RRM1: variants seen among roughly 807,000 people sequenced by gnomAD.
The protein encoded by RRM1 is ribonucleoside-diphosphate reductase large subunit.
RRM1 carries 19 observed loss-of-function variants against 101.5 expected under a neutral mutation model. The ratio of observed to expected loss-of-function variants is 0.19; its 90% CI spans 0.13 to 0.27. The LOEUF is 0.27. RRM1 is among the 10% of genes least tolerant of loss of function. The pLI is 1.00. For synonymous variants in RRM1, 298 were observed against 323.4 expected, an observed-to-expected ratio of 0.92 and a Z score of 0.84; for missense variants, 500 against 962.9, an observed-to-expected ratio of 0.52 and a Z score of 6.36.
intron 7 of RRM1, among the ~76,000 whole-genome samples, chr11:4,113,647 A>G (rs912991007): frequency 3.2e-4 from 48 of 152,360 alleles, no homozygotes; most frequent in African/African-American, 1.1e-3. Context: ...CAAACATTAT[A>G]CAGTATACTT....
intron 17 of RRM1, 63 bp downstream of exon 17, chr11:4,133,721 C>T (rs1349951178): frequency 1.1e-6 from 1 of 915,204 alleles, no homozygotes; most frequent in Non-Finnish European, 1.8e-6. Flanking sequence ...TACCTCCTCA[C>T]TCATGCTAGA....
chr11:4,111,864 C>T (rs562668206), intron 6 of RRM1, 36 bp from the exon 7 acceptor site: 18 of 1,574,928 alleles, frequency 1.1e-5, no homozygotes, highest in African/African-American at 2.7e-5. Flanking sequence ...CTTTTTCTGA[C>T]GTCTCATCAT....
At chr11:4,131,196 G>A (rs1188559531) in intron 15 of RRM1, among the ~76,000 whole-genome samples, 3 of 152,180 alleles carry the variant, frequency 2.0e-5, no homozygotes, top group African/African-American at 7.2e-5. Context: ...CAAGCAAAGT[G>A]CTGAGTAAAG....
At chr11:4,111,777 T>C in intron 6 of RRM1, 123 bp from the exon 7 acceptor site, 1 of 1,192,054 alleles carries the variant, frequency 8.4e-7, no homozygotes, top group Non-Finnish European at 1.2e-6. Context: ...TGGATAATTG[T>C]CCTGTTTATT....
chr11:4,117,386 T>A (rs1052790681), intron 7 of RRM1, among the ~76,000 whole-genome samples: 2 of 152,218 alleles, frequency 1.3e-5, no homozygotes, highest in African/African-American at 4.8e-5. Context: ...TTGGAAATAA[T>A]CCAGATGTTC....
At chr11:4,104,647 T>C (rs1371198617) in intron 2 of RRM1, among the ~76,000 whole-genome samples, 1 of 152,164 alleles carries the variant, frequency 6.6e-6, no homozygotes. Flanking sequence ...GTTCTTCATG[T>C]AAAATAGGTA....
chr11:4,114,677 T>C (rs1041883158), intron 7 of RRM1, among the ~76,000 whole-genome samples: 3 of 152,256 alleles, frequency 2.0e-5, no homozygotes, highest in Admixed American at 6.5e-5. Flanking sequence ...CTTCGATTAC[T>C]GGATGACCAC....
chr11:4,094,933 C>G lies in RRM1; in HGVS notation c.-80C>G. The G allele has an allele frequency of 6.8e-7, 1 of 1,473,774 alleles. No individual in the cohort carries two copies. Among genetic ancestry groups the G allele is most frequent in the Non-Finnish European group, 9.3e-7 (1 of 1,076,254 alleles). The allele number at this position is 1,473,774 out of a possible 1,614,324, so 91.3% of individuals were successfully genotyped here. A position where few individuals can be genotyped will look rare whatever the true frequency, so the allele number is the denominator to read the frequency against. On this transcript the variant is annotated 5_prime_UTR_variant, in exon 1 of 19. Coordinates refer to ENST00000300738, the MANE Select transcript of RRM1 (RefSeq NM_001033.5). ...CGCCTGGAACCTAACCCTTCCCACT[C>G]TGTCACCTTCTCGATCCCGCCGGCG...
At position 4,118,473 on chromosome 11, in the gene RRM1, C is replaced by T; in HGVS notation, c.792+12C>T. 1 of 1,613,352 alleles carries T rather than the reference C, an allele frequency of 6.2e-7. No homozygotes were observed. The highest frequency in any genetic ancestry group is 8.5e-7 in the Non-Finnish European group (1 of 1,179,606). ...GCTACATTGCTGGGGTAGGTTTCTG[C>T]CATTTGACTTTTAAAGGGGGATTCA... On this transcript the variant is annotated intron_variant, in intron 8 of 18. Transcript: ENST00000300738.
At chr11:4,103,462 G>C (rs888625564) in intron 2 of RRM1, among the ~76,000 whole-genome samples, 2 of 151,968 alleles carry the variant, frequency 1.3e-5, no homozygotes, top group Non-Finnish European at 2.9e-5. Context: ...AAGCACCTAG[G>C]TCTCTTGACT....
chr11:4,127,030 C>T lies in RRM1; in HGVS notation c.1471-5C>T. The T allele has an allele frequency of 1.2e-6, 2 of 1,600,300 alleles. No individual in the cohort carries two copies. Among genetic ancestry groups the T allele is most frequent in the Non-Finnish European group, 1.7e-6 (2 of 1,175,446 alleles). ...TCCTTTTCTTTAAAATCTGTTGACA[C>T]AAAGGCATGCCTATCAAATAAACGC... On this transcript the variant is annotated splice_polypyrimidine_tract_variant and splice_region_variant and intron_variant, in intron 13 of 18. Transcript: ENST00000300738.
In RRM1 at chr11:4,106,172, G is replaced by T. The variant is rs758946030; in HGVS notation, c.235G>T (p.Ala79Ser). ...GCACCCTGACTATGCTATCCTGGCA[G>T]CCAGGATCGCTGTCTCTAACTTGCA... is the stretch of plus-strand genomic sequence containing the variant. ...TKHPDYAILAARIAVSNLHKE... is the reference protein window; with the variant it reads ...TKHPDYAILASRIAVSNLHKE... Residue 79 changes from alanine to serine, a missense_variant, in exon 3 of 19, where the codon GCC becomes TCC. Ala to Ser is a moderately conservative substitution (Grantham distance 99). This residue lies in a region of RRM1 where 44 missense variants were observed against 119.4 expected (regional missense o/e 0.37). Coordinates refer to ENST00000300738, the MANE Select transcript of RRM1 (RefSeq NM_001033.5). 6.2e-7 allele frequency: 1 copy of T among 1,614,080 alleles called. No individual in the cohort carries two copies. The highest frequency in any genetic ancestry group is 1.3e-5 in the African/African-American group (1 of 75,048).
intron 13 of RRM1, 53 bp downstream of exon 13, chr11:4,126,886 G>T: frequency 6.6e-7 from 1 of 1,505,708 alleles, no homozygotes; most frequent in Non-Finnish European, 9.1e-7. Context: ...AAATTGAAAG[G>T]AATCAATCAT....
At chr11:4,127,354 C>T in intron 14 of RRM1, 98 bp downstream of exon 14, 2 of 657,072 alleles carry the variant, frequency 3.0e-6, no homozygotes, top group Non-Finnish European at 4.7e-6. Context: ...ATTCCTGGAA[C>T]CTGTGAATTT....
chr11:4,136,688 G>A (rs2094610553), intron 18 of RRM1, among the ~76,000 whole-genome samples: 1 of 151,972 alleles, frequency 6.6e-6, no homozygotes, highest in Admixed American at 6.6e-5. Flanking sequence ...TACCCCTCTT[G>A]GGGGATTACA....
intron 17 of RRM1, among the ~76,000 whole-genome samples, chr11:4,134,849 G>A (rs566200644): frequency 5.3e-5 from 8 of 152,268 alleles, no homozygotes; most frequent in Admixed American, 2.6e-4. Context: ...AACAAAAAAG[G>A]GATGCTGAAA....
At chr11:4,114,448 G>C (rs2094569879) in intron 7 of RRM1, among the ~76,000 whole-genome samples, 1 of 151,166 alleles carries the variant, frequency 6.6e-6, no homozygotes, top group Middle Eastern at 3.2e-3. Flanking sequence ...TACTTGGGAG[G>C]CTGAGGCAGG....
intron 15 of RRM1, among the ~76,000 whole-genome samples, chr11:4,130,089 T>A (rs865995380): frequency 0.052 from 5,158 of 99,048 alleles, 138 homozygotes; most frequent in East Asian, 0.07. Flanking sequence ...TATATATATT[T>A]TTTTTTTTTT....
At chr11:4,133,980 A>ATTT (rs34715101) in intron 17 of RRM1, among the ~76,000 whole-genome samples, 5,521 of 90,696 alleles carry the variant, frequency 0.061, 408 homozygotes, top group African/African-American at 0.08. Flanking sequence ...CCAGACATCA[A>ATTT]TTTTTTTTTT....
Sources: gnomAD v4.1 joint callset for allele counts (sites outside exome capture counted in the v4.1 genomes callset) on GRCh38, gnomAD v4.1.1 for gene constraint, gnomAD v4.1.1 regional missense constraint, MANE v1.5 for transcripts, NCBI Gene and HGNC (gene_info 2026-07-23, HGNC 2026-07-21) for gene names.